The following NKD1 variants were observed in gnomAD, a reference collection of about 807,000 sequenced individuals.
NKD1 encodes protein naked cuticle homolog 1.
In NKD1, 21 loss-of-function variants were observed where a neutral mutation model predicts 56.0. The ratio of observed to expected loss-of-function variants is 0.38; its 90% confidence interval spans 0.27 to 0.54. The LOEUF (loss-of-function observed/expected upper bound fraction) is 0.54. Ranked by LOEUF, NKD1 falls within the 20% of genes least tolerant of loss-of-function variation. The pLI, the probability that NKD1 is intolerant of heterozygous loss-of-function variation, is 0.82. For synonymous variants in NKD1, 263 were observed against 265.7 expected (o/e 0.99, Z 0.10); for missense variants, 578 against 642.7 (o/e 0.90, Z 1.09).
chr16:50,551,986 T>A (rs1234652891), intron 3 of NKD1: 1 of 152,174 alleles, frequency 6.6e-6, no homozygotes, highest in African/African-American at 2.4e-5. Context: ...AAGGGGTAGC[T>A]GGTAGGTTCT....
chr16:50,626,832 G>A (rs1962228125), intron 6 of NKD1, among the ~76,000 whole-genome samples: 1 of 152,172 alleles, frequency 6.6e-6, no homozygotes, highest in Non-Finnish European at 1.5e-5. Context: ...CTGCGCGGCG[G>A]TCGCAGGTTA....
intron 4 of NKD1, among the ~76,000 whole-genome samples, chr16:50,610,424 C>T (rs1049468185): frequency 6.6e-6 from 1 of 152,124 alleles, no homozygotes; most frequent in Non-Finnish European, 1.5e-5. Flanking sequence ...AGGCCTCCCA[C>T]CCCAGGGTGG....
At chr16:50,574,427 A>G in intron 3 of NKD1, 1 of 985,400 alleles carries the variant, frequency 1.0e-6, no homozygotes, top group Non-Finnish European at 1.2e-6. Flanking sequence ...GTCTTCCCCC[A>G]GGGACTAAAT....
At chr16:50,595,862 T>G (rs1236433608) in intron 3 of NKD1, among the ~76,000 whole-genome samples, 1 of 152,206 alleles carries the variant, frequency 6.6e-6, no homozygotes, top group Non-Finnish European at 1.5e-5. Flanking sequence ...GGCTGTTGAC[T>G]GGACCTGCAG....
chr16:50,596,439 T>G (rs1961473596), intron 3 of NKD1, among the ~76,000 whole-genome samples: 1 of 152,222 alleles, frequency 6.6e-6, no homozygotes, highest in Non-Finnish European at 1.5e-5. Context: ...TGTGTGTTCA[T>G]GGAAGACCAT....
At chr16:50,628,820 G>T (rs530294033) in intron 6 of NKD1, among the ~76,000 whole-genome samples, 1 of 152,154 alleles carries the variant, frequency 6.6e-6, no homozygotes, top group Non-Finnish European at 1.5e-5. Flanking sequence ...TATTCCTCAC[G>T]GTTCTGGAGG....
Position 50,574,536 on chromosome 16 carries a change from A to C in NKD1, c.192+24981A>C, listed in dbSNP as rs1960951434. ...GTGGCCGAGGCCCAGGCACGGCCGA[A>C]TGGCAGTGCAGCGTGGTCTCGCCTT... On this transcript the variant is annotated intron_variant, in intron 3 of 9. Coordinates refer to ENST00000268459, the MANE Select transcript of NKD1 (RefSeq NM_033119.5). The C allele has an allele frequency of 7.1e-6, 7 of 985,258 alleles. No individual in the cohort carries two copies. In the South Asian group the frequency reaches 3.3e-4, roughly 46 times the overall value. The allele number at this position is 985,258 out of a possible 1,614,324, so 61.0% of individuals were successfully genotyped here.
chr16:50,625,194 C>A (rs1042946916), intron 5 of NKD1: 6 of 453,646 alleles, frequency 1.3e-5, no homozygotes, highest in Admixed American at 3.7e-5. Flanking sequence ...TTTTCTGAGG[C>A]CACAGTGCCT....
In NKD1 at chr16:50,548,415, C is replaced by G. The variant is rs1960281240; in HGVS notation, c.-139C>G. The G allele has an allele frequency of 3.2e-6, 1 of 312,702 alleles. No homozygotes were observed. 19.4% of individuals were successfully genotyped at this position (312,702 alleles called of 1,614,324 possible). ...GGCGTCAGTCGGGCCGCGGCGACGG[C>G]GGCAGGAGCGCGTCCCGGCGCCGCC... On this transcript the variant is annotated 5_prime_UTR_variant, in exon 1 of 10. Transcript: ENST00000268459.
intron 3 of NKD1, among the ~76,000 whole-genome samples, chr16:50,554,369 A>G (rs1960454713): frequency 1.3e-5 from 2 of 152,154 alleles, no homozygotes; most frequent in Non-Finnish European, 2.9e-5. Flanking sequence ...CTGGGATCAA[A>G]CTGTCCCCGC....
intron 3 of NKD1, 71 bp downstream of exon 3, chr16:50,549,626 C>T: frequency 7.1e-7 from 1 of 1,404,032 alleles, no homozygotes; most frequent in Non-Finnish European, 9.5e-7. Flanking sequence ...CAAACCCATG[C>T]ACCCCAACTT....
chr16:50,626,403 A>C (rs1260449186), intron 6 of NKD1, among the ~76,000 whole-genome samples: 2 of 152,076 alleles, frequency 1.3e-5, no homozygotes, highest in Admixed American at 6.5e-5. Flanking sequence ...GTGCTGGGAC[A>C]GAGACTGGCT....
rs534133612 is a variant in NKD1, at chr16:50,599,618, C to T, written c.193-8676C>T. Among the ~76,000 whole-genome samples the T allele has an allele frequency of 2.6e-5, 4 of 152,320 alleles. No individual in the cohort carries two copies. The South Asian group carries it at 6.2e-4, about 24-fold the overall frequency. On this transcript the variant is annotated intron_variant, in intron 3 of 9. Transcript: ENST00000268459. Reference sequence around the variant, plus strand: ...TCGCACACTGACTAAGACTGGTTATCATCATCACTGAGTCCTTTATATTCA... The same window carrying T: ...TCGCACACTGACTAAGACTGGTTATTATCATCACTGAGTCCTTTATATTCA...
chr16:50,608,277 GCT>G lies in NKD1; in HGVS notation c.193-14_193-13del, dbSNP rs1961761867. The G allele has an allele frequency of 6.2e-7, 1 of 1,601,878 alleles. No individual in the cohort carries two copies. ...CCCCCAACCCCTGCTCAATGCCTCT[GCT>G]CTGTCTTCTTGTAGGAGCTCGTGGG... On this transcript the variant is annotated splice_polypyrimidine_tract_variant and intron_variant, in intron 3 of 9. Transcript: ENST00000268459.
In NKD1 at chr16:50,589,707, CT is replaced by C. The variant is rs1961309491; in HGVS notation, c.193-18586del. Among the ~76,000 whole-genome samples the C allele has an allele frequency of 1.2e-4, 3 of 25,038 alleles. No homozygotes were observed. In the Admixed American group the frequency reaches 1.3e-3, roughly 11 times the overall value. The allele number at this position is 25,038 out of a possible 152,430, so 16.4% of individuals were successfully genotyped here. ...GCTTTCTTTTCTTTTCTCTTCTCTTCTCTTCTCTTCTCTTCTCTTCTCTTCT... is the reference window on the plus strand; with the variant it reads ...GCTTTCTTTTCTTTTCTCTTCTCTTCCTTCTCTTCTCTTCTCTTCTCTTCT... On this transcript the variant is annotated intron_variant, in intron 3 of 9. Coordinates refer to ENST00000268459, the MANE Select transcript of NKD1 (RefSeq NM_033119.5).
chr16:50,595,054 C>T (rs1229497511), intron 3 of NKD1, among the ~76,000 whole-genome samples: 1 of 152,154 alleles, frequency 6.6e-6, no homozygotes, highest in African/African-American at 2.4e-5. Flanking sequence ...GTGGAGAAAC[C>T]GTCCAAAGGT....
chr16:50,620,338 G>T (rs1174252807), intron 4 of NKD1, among the ~76,000 whole-genome samples: 1 of 152,198 alleles, frequency 6.6e-6, no homozygotes, highest in Non-Finnish European at 1.5e-5. Flanking sequence ...AGTGTGGTGG[G>T]AGTGTGGGAT....
At position 50,598,262 on chromosome 16, in the gene NKD1, T is replaced by TGTGTGTGTGTGTGCGC. The variant is rs138964473; in HGVS notation, c.193-10031_193-10030insTGTGTGTGTGTGCGCG. ...GTGTGTGTGTGTGTGTGTGTGTGTG[T>TGTGTGTGTGTGTGCGC]GCGCGCACACCTGTGCTCATGGACA... On this transcript the variant is annotated intron_variant, in intron 3 of 9. Coordinates refer to ENST00000268459, the MANE Select transcript of NKD1 (RefSeq NM_033119.5). The surrounding 1 kb of genome is among the most constrained non-coding windows in gnomAD (Gnocchi z 4.2). Among the ~76,000 whole-genome samples the TGTGTGTGTGTGTGCGC allele has an allele frequency of 1.5e-4, 23 of 148,662 alleles. No homozygotes were observed. The highest frequency in any genetic ancestry group is 5.9e-4 in the African/African-American group (23 of 39,154).
chr16:50,552,660 A>C (rs1960415177), intron 3 of NKD1: 1 of 152,252 alleles, frequency 6.6e-6, no homozygotes, highest in South Asian at 2.1e-4. Flanking sequence ...GTATACCTTA[A>C]TTAGCTCATC....
Sources: allele counts gnomAD v4.1 joint callset (sites outside exome capture counted in the v4.1 genomes callset), GRCh38; gene constraint gnomAD v4.1.1; non-coding constraint Gnocchi (gnomAD v3.1); transcripts MANE v1.5; gene names NCBI Gene and HGNC (gene_info 2026-07-23, HGNC 2026-07-21).